The following CDH18 variants were observed in gnomAD, a reference collection of about 807,000 sequenced individuals.
The protein encoded by CDH18 is cadherin 18, also known as cadherin-18.
CDH18 carries 31 observed loss-of-function variants against 67.9 expected under a neutral mutation model. The ratio of observed to expected loss-of-function variants is 0.46; its 90% CI spans 0.34 to 0.62. The LOEUF (loss-of-function observed/expected upper bound fraction) is 0.62, where lower values mean the gene tolerates loss of function less well. CDH18 is among the 20% of genes least tolerant of loss of function. CDH18 has a pLI of 0.01. For synonymous variants in CDH18, 362 were observed against 347.2 expected (o/e 1.04, Z -0.48); for missense variants, 890 against 975.5 (o/e 0.91, Z 1.17).
At chr5:19,875,337 T>C (rs907562454) in intron 2 of CDH18, among the ~76,000 whole-genome samples, 2 of 152,142 alleles carry the variant, frequency 1.3e-5, no homozygotes, top group Non-Finnish European at 2.9e-5. Context: ...CTTTTACCTA[T>C]GTAACTGGGG....
chr5:19,939,535 A>T (rs2892428), intron 2 of CDH18, among the ~76,000 whole-genome samples: 4 of 151,416 alleles, frequency 2.6e-5, no homozygotes, highest in Non-Finnish European at 5.9e-5. Flanking sequence ...ATTGTACTTA[A>T]GTAGATTGAA....
intron 2 of CDH18, among the ~76,000 whole-genome samples, chr5:20,034,268 C>G (rs576578663): frequency 4.6e-5 from 7 of 151,958 alleles, no homozygotes; most frequent in Non-Finnish European, 7.4e-5. Flanking sequence ...GTTACTCTTA[C>G]GTAAGCAATT....
At chr5:20,188,179 C>T (rs1005502118) in intron 2 of CDH18, among the ~76,000 whole-genome samples, 8 of 151,506 alleles carry the variant, frequency 5.3e-5, no homozygotes, top group Non-Finnish European at 8.9e-5. Flanking sequence ...TTTTAAAGCC[C>T]CATTTAATTA....
intron 2 of CDH18, among the ~76,000 whole-genome samples, chr5:20,249,980 C>A (rs1743707191): frequency 6.6e-6 from 1 of 151,822 alleles, no homozygotes; most frequent in African/African-American, 2.4e-5. Flanking sequence ...CATGACTAAC[C>A]AAAATAGTAG....
intron 2 of CDH18, among the ~76,000 whole-genome samples, chr5:20,125,503 T>C (rs1413179417): frequency 6.6e-6 from 1 of 152,182 alleles, no homozygotes; most frequent in Non-Finnish European, 1.5e-5. Context: ...TTCCCTCTTA[T>C]ATTCTTATAT....
At chr5:20,153,861 G>A (rs538579098) in intron 2 of CDH18, among the ~76,000 whole-genome samples, 9 of 152,248 alleles carry the variant, frequency 5.9e-5, no homozygotes, top group East Asian at 5.8e-4. Flanking sequence ...CCCTGTCTCC[G>A]AATACTTTGG....
chr5:20,047,352 A>G (rs911439455), intron 2 of CDH18, among the ~76,000 whole-genome samples: 4 of 151,958 alleles, frequency 2.6e-5, no homozygotes, highest in African/African-American at 9.7e-5. Context: ...ATTATAGCTA[A>G]TAGATAATAC....
chr5:20,433,924 C>A (rs1034805863), intron 1 of CDH18, among the ~76,000 whole-genome samples: 6 of 152,034 alleles, frequency 3.9e-5, no homozygotes, highest in East Asian at 3.9e-4. Context: ...GTAAAGAAAA[C>A]GCGTCATAAA....
rs891460928 is a variant in CDH18, at chr5:20,298,450, T to C, written c.-579-42945A>G. 3.9e-5 allele frequency among the ~76,000 whole-genome samples: 6 copies of C among 152,216 alleles called. No individual in the cohort carries two copies. The East Asian group carries it at 1.2e-3, about 29-fold the overall frequency. Reference sequence around the variant, plus strand: ...CAAGAGTTGATTGATAATCCTTCCTTTGGGGAAGTTGTCTATTCACTGAGC... The same window carrying C: ...CAAGAGTTGATTGATAATCCTTCCTCTGGGGAAGTTGTCTATTCACTGAGC... On this transcript the variant is annotated intron_variant, in intron 1 of 14. Coordinates refer to the CDH18 transcript ENST00000507958.
chr5:19,508,666 C>T (rs1744622383), intron 10 of CDH18, among the ~76,000 whole-genome samples: 1 of 151,840 alleles, frequency 6.6e-6, no homozygotes, highest in African/African-American at 2.4e-5. Flanking sequence ...AATATACTTT[C>T]AATTGTCTGT....
At chr5:19,536,321 A>T in intron 9 of CDH18, among the ~76,000 whole-genome samples, 1 of 152,234 alleles carries the variant, frequency 6.6e-6, no homozygotes, top group East Asian at 1.9e-4. Context: ...CATTTGAAAC[A>T]GTTCTTACCA....
At chr5:20,389,443 T>C (rs1744627957) in intron 1 of CDH18, among the ~76,000 whole-genome samples, 1 of 152,122 alleles carries the variant, frequency 6.6e-6, no homozygotes, top group Non-Finnish European at 1.5e-5. Flanking sequence ...AGCCTATGTG[T>C]GTCTCTGCAC....
At chr5:20,390,845 A>G (rs1328853054) in intron 1 of CDH18, among the ~76,000 whole-genome samples, 5 of 152,096 alleles carry the variant, frequency 3.3e-5, no homozygotes, top group Non-Finnish European at 7.4e-5. Context: ...TAGGGACATG[A>G]ACGAAGCTGG....
intron 1 of CDH18, among the ~76,000 whole-genome samples, chr5:20,357,295 C>T (rs952658925): frequency 2.0e-5 from 3 of 152,008 alleles, no homozygotes; most frequent in African/African-American, 7.2e-5. Context: ...AGGAAGGAAG[C>T]ATGTATGCAA....
chr5:19,576,241 C>T (rs1742293117), intron 7 of CDH18, among the ~76,000 whole-genome samples: 1 of 151,872 alleles, frequency 6.6e-6, no homozygotes, highest in Admixed American at 6.6e-5. Context: ...CAAAAATAGA[C>T]AAGTGGGAAT....
intron 4 of CDH18, among the ~76,000 whole-genome samples, chr5:19,742,167 C>A (rs982838244): frequency 6.6e-6 from 1 of 152,090 alleles, no homozygotes; most frequent in Non-Finnish European, 1.5e-5. Context: ...AAGAAATATA[C>A]AACCACATTA....
intron 1 of CDH18, among the ~76,000 whole-genome samples, chr5:20,566,317 TG>T (rs1476041322): frequency 6.6e-6 from 1 of 151,778 alleles, no homozygotes; most frequent in African/African-American, 2.4e-5. Context: ...GCCACTCAGA[TG>T]GCCTTAAAAG....
intron 1 of CDH18, among the ~76,000 whole-genome samples, chr5:20,293,037 C>A (rs538908212): frequency 1.3e-5 from 2 of 152,258 alleles, no homozygotes; most frequent in South Asian, 4.1e-4. Context: ...CAGAGTGAGG[C>A]CAGGTGCGGT....
At chr5:19,638,987 T>TTTTGTTTTTG (rs1753615888) in intron 5 of CDH18, among the ~76,000 whole-genome samples, 1 of 84,556 alleles carries the variant, frequency 1.2e-5, no homozygotes, top group African/African-American at 5.0e-5. Flanking sequence ...GTTTTTTTTT[T>TTTTGTTTTTG]TTTTTTTTTT....
Sources: gnomAD v4.1 joint callset for allele counts (sites outside exome capture counted in the v4.1 genomes callset) on GRCh38, gnomAD v4.1.1 for gene constraint, MANE v1.5 for transcripts, NCBI Gene and HGNC (gene_info 2026-07-23, HGNC 2026-07-21) for gene names.